The following CDH13 variants were observed in gnomAD, a reference collection of about 807,000 sequenced individuals.
The protein encoded by CDH13 is cadherin-13.
In CDH13, 24 loss-of-function variants were observed where a neutral mutation model predicts 63.8. That is an observed-to-expected ratio of 0.38 (90% CI 0.27 to 0.53). The LOEUF is 0.53. Among genes scored for constraint, CDH13 ranks in the 20% least tolerant of loss-of-function variants. The probability of loss-of-function intolerance (pLI) is 0.85; values close to 1 mark genes in which losing one functional copy is unlikely to be tolerated. For missense variants in CDH13, 1,049 were observed against 903.1 expected (o/e 1.16, Z -2.07); for synonymous variants, 503 against 355.3 (o/e 1.42, Z -4.67).
chr16:82,975,926 C>T (rs532060355), intron 2 of CDH13, among the ~76,000 whole-genome samples: 7 of 152,196 alleles, frequency 4.6e-5, no homozygotes, highest in East Asian at 1.9e-4. Flanking sequence ...CTCCTCCAAG[C>T]GCTCTCCCCC....
chr16:82,713,443 T>G (rs940242872), intron 1 of CDH13, among the ~76,000 whole-genome samples: 7 of 152,130 alleles, frequency 4.6e-5, no homozygotes, highest in African/African-American at 1.7e-4. Context: ...TGCGTCCCCC[T>G]GAAACCCTTT....
intron 3 of CDH13, among the ~76,000 whole-genome samples, chr16:83,098,276 C>G (rs747520268): frequency 3.9e-5 from 6 of 152,182 alleles, no homozygotes; most frequent in African/African-American, 7.2e-5. Context: ...CAGTAAAACA[C>G]TTTCATTTTC....
chr16:82,938,399 C>G (rs1453391615), intron 2 of CDH13, among the ~76,000 whole-genome samples: 1 of 152,202 alleles, frequency 6.6e-6, no homozygotes, highest in African/African-American at 2.4e-5. Flanking sequence ...TAGATTAGCC[C>G]TCTCAAATAT....
chr16:83,316,057 G>A (rs530864328), intron 5 of CDH13, among the ~76,000 whole-genome samples: 144 of 152,250 alleles, frequency 9.5e-4, no homozygotes, highest in South Asian at 3.1e-3. Context: ...TGGTGGAAGG[G>A]GAAGGAAACA....
chr16:82,842,733 G>T (rs1200024128), intron 1 of CDH13, among the ~76,000 whole-genome samples: 1 of 131,614 alleles, frequency 7.6e-6, no homozygotes, highest in Non-Finnish European at 1.7e-5. Context: ...CTTATATAAT[G>T]AAATAGTTAT....
intron 11 of CDH13, among the ~76,000 whole-genome samples, chr16:83,748,533 C>T (rs972619639): frequency 2.0e-5 from 3 of 152,180 alleles, no homozygotes; most frequent in Non-Finnish European, 4.4e-5. Flanking sequence ...GAAAGCCACG[C>T]TGATGTGCTT....
intron 2 of CDH13, among the ~76,000 whole-genome samples, chr16:82,985,725 A>G (rs547600975): frequency 2.6e-5 from 4 of 152,260 alleles, no homozygotes; most frequent in African/African-American, 4.8e-5. Flanking sequence ...TTGAATTGCA[A>G]TCCCCAGCAT....
Position 82,735,803 on chromosome 16 carries a change from C to T in CDH13, c.45+108666C>T, listed in dbSNP as rs192604660. On this transcript the variant is annotated intron_variant, in intron 1 of 13. Transcript: ENST00000567109. ...CGTTCTGCCAAAGAAAAGCTATTTGCTGGGTAGACTCTTTAGCAAGTTTCA... is the reference window on the plus strand; with the variant it reads ...CGTTCTGCCAAAGAAAAGCTATTTGTTGGGTAGACTCTTTAGCAAGTTTCA... Among the ~76,000 whole-genome samples the T allele has an allele frequency of 1.6e-4, 25 of 152,322 alleles. 1 individual carries two copies. In the East Asian group the frequency reaches 4.8e-3, roughly 29 times the overall value.
intron 3 of CDH13, among the ~76,000 whole-genome samples, chr16:83,096,391 C>T (rs2034194416): frequency 6.6e-6 from 1 of 152,198 alleles, no homozygotes; most frequent in Admixed American, 6.5e-5. Context: ...CTTAATTCCC[C>T]TGTTCCTGGG....
At chr16:83,385,108 G>A (rs891847506) in intron 6 of CDH13, among the ~76,000 whole-genome samples, 6 of 152,128 alleles carry the variant, frequency 3.9e-5, no homozygotes, top group Admixed American at 6.5e-5. Context: ...ATTAGCATGC[G>A]GATGCTTAGA....
At chr16:83,662,458 A>C (rs1198286246) in intron 8 of CDH13, among the ~76,000 whole-genome samples, 2 of 152,206 alleles carry the variant, frequency 1.3e-5, no homozygotes, top group African/African-American at 4.8e-5. Flanking sequence ...TTTTCTTAAA[A>C]AGAATCTCTG....
At chr16:82,877,760 T>TA (rs2040553053) in intron 2 of CDH13, among the ~76,000 whole-genome samples, 1 of 151,644 alleles carries the variant, frequency 6.6e-6, no homozygotes, top group Non-Finnish European at 1.5e-5. Context: ...AAATCTCTCC[T>TA]AAAGTTACTT....
At chr16:83,382,212 G>A (rs1274046720) in intron 6 of CDH13, among the ~76,000 whole-genome samples, 2 of 152,156 alleles carry the variant, frequency 1.3e-5, no homozygotes, top group African/African-American at 2.4e-5. Context: ...TAGCCATAAA[G>A]TACTTAGCTT....
At chr16:83,017,663 A>G (rs922857928) in intron 2 of CDH13, among the ~76,000 whole-genome samples, 7 of 152,202 alleles carry the variant, frequency 4.6e-5, no homozygotes, top group African/African-American at 1.7e-4. Context: ...GGTATTATAT[A>G]TGATAGACAT....
chr16:83,118,162 G>C (rs1234653443), intron 3 of CDH13, among the ~76,000 whole-genome samples: 2 of 152,128 alleles, frequency 1.3e-5, no homozygotes, highest in East Asian at 3.9e-4. Flanking sequence ...TGCTGTGGGG[G>C]GAATCCCACA....
At chr16:83,311,122 CAT>C (rs1253599857) in intron 5 of CDH13, among the ~76,000 whole-genome samples, 3 of 152,200 alleles carry the variant, frequency 2.0e-5, no homozygotes, top group Admixed American at 1.3e-4. Flanking sequence ...AAAACTCTGC[CAT>C]GTCTGTGATG....
At chr16:83,720,902 C>T (rs1909607353) in intron 10 of CDH13, among the ~76,000 whole-genome samples, 1 of 152,196 alleles carries the variant, frequency 6.6e-6, no homozygotes, top group South Asian at 2.1e-4. Context: ...ATAACTGTGC[C>T]TGAAATGGAC....
intron 2 of CDH13, chr16:82,953,089 C>G (rs1235294810): frequency 6.6e-6 from 1 of 152,178 alleles, no homozygotes; most frequent in Non-Finnish European, 1.5e-5. Context: ...TTATTTCTTT[C>G]TCCTTCTTTT....
chr16:82,719,627 C>T (rs1169740485), intron 1 of CDH13, among the ~76,000 whole-genome samples: 1 of 152,088 alleles, frequency 6.6e-6, no homozygotes, highest in Non-Finnish European at 1.5e-5. Context: ...GGGTGGATCA[C>T]CTGAGGTCAG....
Sources: allele counts gnomAD v4.1 joint callset (sites outside exome capture counted in the v4.1 genomes callset), GRCh38; gene constraint gnomAD v4.1.1; transcripts MANE v1.5; gene names NCBI Gene and HGNC (gene_info 2026-07-23, HGNC 2026-07-21).